The following HAPLN1 variants were observed in gnomAD, a reference collection of about 807,000 sequenced individuals.
The protein encoded by HAPLN1 is Cartilage link protein.
A neutral mutation model predicts 36.5 loss-of-function variants in HAPLN1; 13 were observed. That is an observed-to-expected ratio of 0.36 (90% CI 0.23 to 0.57). The LOEUF (loss-of-function observed/expected upper bound fraction) is 0.57. HAPLN1 is among the 20% of genes least tolerant of loss of function. The pLI is 0.83. For synonymous variants in HAPLN1, 202 were observed against 169.8 expected (o/e 1.19, Z -1.48); for missense variants, 407 against 439.7 (o/e 0.93, Z 0.66).
intron 1 of HAPLN1, among the ~76,000 whole-genome samples, chr5:83,679,333 G>A (rs188278789): frequency 4.7e-4 from 72 of 152,246 alleles, no homozygotes; most frequent in African/African-American, 1.5e-3. Flanking sequence ...ATGGGAGGCT[G>A]AACTTAGGAT....
chr5:83,716,454 C>A (rs945750441), intron 1 of HAPLN1, among the ~76,000 whole-genome samples: 1 of 152,126 alleles, frequency 6.6e-6, no homozygotes, highest in African/African-American at 2.4e-5. Flanking sequence ...AGGTGTCACC[C>A]CTGTTAAGCC....
chr5:83,674,598 C>T (rs1370714472), intron 1 of HAPLN1: 2 of 152,180 alleles, frequency 1.3e-5, no homozygotes, highest in African/African-American at 2.4e-5. Context: ...GAAGCTGACA[C>T]GAAAATTAAC....
chr5:83,703,453 T>G (rs1218828913), intron 1 of HAPLN1: 1 of 152,178 alleles, frequency 6.6e-6, no homozygotes, highest in African/African-American at 2.4e-5. Flanking sequence ...TTTCTGTGCT[T>G]GCTTGAGTAG....
intron 1 of HAPLN1, among the ~76,000 whole-genome samples, chr5:83,695,186 C>T (rs1345756837): frequency 6.6e-6 from 1 of 152,078 alleles, no homozygotes; most frequent in Non-Finnish European, 1.5e-5. Context: ...GGTGCAGTGG[C>T]GCAATCTCGG....
chr5:83,641,446 C>A lies in HAPLN1; in HGVS notation c.*50G>T. On this transcript the variant is annotated 3_prime_UTR_variant, in exon 5 of 5. Transcript: ENST00000274341. ...AGTTCATATTGGAAAAAAAAAACAC[C>A]TTTCACATGTTCTTAATGACTTTAA... 2.0e-6 allele frequency: 3 copies of A among 1,493,082 alleles called. No homozygotes were observed. The highest frequency in any genetic ancestry group is 2.8e-5 in the South Asian group (2 of 71,562). 92.5% of individuals were successfully genotyped at this position (1,493,082 alleles called of 1,614,324 possible).
intron 1 of HAPLN1, among the ~76,000 whole-genome samples, chr5:83,698,326 T>G (rs977377296): frequency 6.6e-6 from 1 of 152,070 alleles, no homozygotes; most frequent in Non-Finnish European, 1.5e-5. Flanking sequence ...TTTCTTTTCC[T>G]GCTTTGTAAG....
chr5:83,650,115 GT>G lies in HAPLN1; in HGVS notation c.472+2337del, dbSNP rs202098367. Among the ~76,000 whole-genome samples, 153 of 152,226 alleles carry G rather than the reference GT, an allele frequency of 1.0e-3. 1 individual carries two copies. In the East Asian group the frequency reaches 0.018, roughly 18 times the overall value. Reference sequence around the variant, plus strand: ...AAGCCTGAAGCAGCTGAATGCTCCTGTTTTTTTAAAGCCTCTCCTCTACCAA... The same window carrying G: ...AAGCCTGAAGCAGCTGAATGCTCCTGTTTTTTAAAGCCTCTCCTCTACCAA... On this transcript the variant is annotated intron_variant, in intron 3 of 4. Transcript: ENST00000274341.
intron 1 of HAPLN1, among the ~76,000 whole-genome samples, chr5:83,709,231 G>A (rs891302739): frequency 6.6e-6 from 1 of 152,162 alleles, no homozygotes; most frequent in Non-Finnish European, 1.5e-5. Flanking sequence ...TGTGTAAGTA[G>A]TGTGCTTGTA....
chr5:83,669,489 A>T (rs1421868204), intron 2 of HAPLN1, among the ~76,000 whole-genome samples: 2 of 152,174 alleles, frequency 1.3e-5, no homozygotes, highest in Non-Finnish European at 2.9e-5. Flanking sequence ...AGAGAGCAAG[A>T]CTCCGTCTCA....
chr5:83,683,410 G>A (rs898983381), intron 1 of HAPLN1, among the ~76,000 whole-genome samples: 7 of 152,138 alleles, frequency 4.6e-5, no homozygotes, highest in Non-Finnish European at 8.8e-5. Flanking sequence ...AAGAGGAAAC[G>A]AGCAGCTACG....
intron 3 of HAPLN1, among the ~76,000 whole-genome samples, chr5:83,650,450 A>T (rs1048727425): frequency 3.3e-5 from 5 of 152,048 alleles, no homozygotes; most frequent in African/African-American, 1.2e-4. Flanking sequence ...CAAAGATTGG[A>T]ATTCTTTCCA....
In HAPLN1 at chr5:83,652,472, C is replaced by T. The variant is rs1750094208; in HGVS notation, c.453G>A (p.Val151=). The change falls in exon 3 of 5, where the codon GTG becomes GTA. Residue 151 remains valine (V), a synonymous_variant. Transcript: ENST00000274341. ...ACATACCTTGTAAGTCCAGTGCTAC[C>T]ACAACAGTATCATCTTCTAATCCTT... is the stretch of plus-strand genomic sequence containing the variant. ...VIEGLEDDTV[V]VALDLQGVVF... The T allele has an allele frequency of 1.9e-6, 3 of 1,613,532 alleles. No homozygotes were observed. The highest frequency in any genetic ancestry group is 2.5e-6 in the Non-Finnish European group (3 of 1,179,730).
intron 4 of HAPLN1, 139 bp from the exon 5 acceptor site, chr5:83,641,924 G>A: frequency 1.2e-6 from 1 of 860,804 alleles, no homozygotes; most frequent in Non-Finnish European, 1.8e-6. Context: ...ACATAGAAAT[G>A]TCAATTAAAT....
intron 3 of HAPLN1, 61 bp downstream of exon 3, chr5:83,652,392 T>TG: frequency 1.3e-6 from 2 of 1,500,880 alleles, no homozygotes; most frequent in Non-Finnish European, 1.8e-6. Context: ...TTACTCTTCA[T>TG]GAAAAAAAAA....
In HAPLN1 at chr5:83,688,779, C is replaced by T. The variant is rs368562765; in HGVS notation, c.-26-15230G>A. 1.5e-4 allele frequency among the ~76,000 whole-genome samples: 22 copies of T among 146,620 alleles called. No individual in the cohort carries two copies. The East Asian group carries it at 2.3e-3, about 15-fold the overall frequency. On this transcript the variant is annotated intron_variant, in intron 1 of 4. Transcript: ENST00000274341. ...CTAGAAAATGATGCATTCAGGGAAA[C>T]GGTGGACAGAAAACGAACTCTTCTA...
chr5:83,689,551 A>G (rs1317554838), intron 1 of HAPLN1, among the ~76,000 whole-genome samples: 2 of 152,160 alleles, frequency 1.3e-5, no homozygotes, highest in Non-Finnish European at 2.9e-5. Flanking sequence ...ACCAACTTCA[A>G]TAACTTCACT....
chr5:83,711,086 G>A (rs1370658698), intron 1 of HAPLN1, among the ~76,000 whole-genome samples: 1 of 152,108 alleles, frequency 6.6e-6, no homozygotes, highest in East Asian at 1.9e-4. Flanking sequence ...CATCCACACT[G>A]GGCTCTTCGA....
At chr5:83,720,235 T>C (rs1350289) in intron 1 of HAPLN1, among the ~76,000 whole-genome samples, 43,661 of 152,202 alleles carry the variant, frequency 0.29, 6,737 homozygotes, top group East Asian at 0.41. Context: ...CATCATTCTA[T>C]GATCTTAAGT....
intron 1 of HAPLN1, among the ~76,000 whole-genome samples, chr5:83,676,242 A>T (rs558209457): frequency 6.6e-6 from 1 of 151,856 alleles, no homozygotes; most frequent in Admixed American, 6.6e-5. Flanking sequence ...ATACACAGAG[A>T]TACGCACACA....
Sources: allele counts gnomAD v4.1 joint callset (sites outside exome capture counted in the v4.1 genomes callset), GRCh38; gene constraint gnomAD v4.1.1; transcripts MANE v1.5; gene names NCBI Gene and HGNC (gene_info 2026-07-23, HGNC 2026-07-21).